The following LUZP1 variants were observed in gnomAD, a reference collection of about 807,000 sequenced individuals.
The protein encoded by LUZP1 is leucine zipper protein 1.
Under a neutral mutation model 71.3 loss-of-function variants are expected in LUZP1, and 25 were observed. The observed-to-expected ratio is 0.35, with a 90% CI of 0.26 to 0.49. LUZP1 has a LOEUF of 0.49. Ranked by LOEUF, LUZP1 falls within the 20% of genes least tolerant of loss-of-function variation. The pLI is 0.99. For missense variants in LUZP1, 1,142 were observed against 1,300.8 expected, an observed-to-expected ratio of 0.88 and a Z score of 1.88; for synonymous variants, 481 against 506.4, an observed-to-expected ratio of 0.95 and a Z score of 0.67.
exon 5 of LUZP1, chr1:23,088,532 T>C: frequency 5.1e-6 from 1 of 194,750 alleles, no homozygotes; most frequent in Non-Finnish European, 1.1e-5. Context: ...GAGGCTGCCC[T>C]AGGATCCAGA....
chr1:23,127,323 T>C (rs1283915075), intron 2 of LUZP1, among the ~76,000 whole-genome samples: 2 of 152,210 alleles, frequency 1.3e-5, no homozygotes, highest in Non-Finnish European at 2.9e-5. Flanking sequence ...TACCTGACTT[T>C]AAATTCTTGG....
chr1:23,117,345 T>C (rs534237119), intron 2 of LUZP1, among the ~76,000 whole-genome samples: 1 of 151,988 alleles, frequency 6.6e-6, no homozygotes, highest in Non-Finnish European at 1.5e-5. Context: ...GTAAGGATTA[T>C]ATAAAAATAT....
intron 3 of LUZP1, among the ~76,000 whole-genome samples, chr1:23,097,329 G>A (rs1643898020): frequency 6.6e-6 from 1 of 152,170 alleles, no homozygotes; most frequent in Admixed American, 6.5e-5. Flanking sequence ...TAAGTAGGTG[G>A]CAAGTAGAAT....
intron 3 of LUZP1, among the ~76,000 whole-genome samples, chr1:23,095,413 T>C (rs1052915060): frequency 6.6e-6 from 1 of 152,156 alleles, no homozygotes; most frequent in Non-Finnish European, 1.5e-5. Flanking sequence ...GTATAGTTGA[T>C]CACATAGAAA....
At chr1:23,103,893 A>G (rs1350761339) in intron 3 of LUZP1, among the ~76,000 whole-genome samples, 2 of 3,368 alleles carry the variant, frequency 5.9e-4, no homozygotes, top group African/African-American at 2.3e-3. Flanking sequence ...AGAGGGAGAG[A>G]GGGAGGGAGG....
intron 2 of LUZP1, among the ~76,000 whole-genome samples, chr1:23,152,264 T>C (rs1201337636): frequency 2.0e-5 from 3 of 152,168 alleles, no homozygotes; most frequent in African/African-American, 7.2e-5. Flanking sequence ...ACGATTTTCA[T>C]AACTAGGAAC....
chr1:23,091,884 G>C (rs1331236392), exon 4 of LUZP1: 1 of 1,614,168 alleles, frequency 6.2e-7, no homozygotes, highest in Non-Finnish European at 8.5e-7. Context: ...AATGCTACTT[G>C]TCACTTTGTT....
chr1:23,171,097 A>ATAT (rs1553143573), intron 1 of LUZP1, among the ~76,000 whole-genome samples: 5 of 139,848 alleles, frequency 3.6e-5, no homozygotes, highest in Middle Eastern at 3.4e-3. Flanking sequence ...TCAAAAAAAA[A>ATAT]AAATATATAT....
chr1:23,098,079 C>T (rs1008791101), intron 3 of LUZP1, among the ~76,000 whole-genome samples: 2 of 152,182 alleles, frequency 1.3e-5, no homozygotes, highest in African/African-American at 4.8e-5. Flanking sequence ...AACCAATCCA[C>T]AAAGTTCTTT....
At chr1:23,091,725 A>G in exon 4 of LUZP1, 1 of 1,614,058 alleles carries the variant, frequency 6.2e-7, no homozygotes, top group Non-Finnish European at 8.5e-7. Flanking sequence ...ATGTTTGTGA[A>G]TGGAGAGCTC....
intron 2 of LUZP1, among the ~76,000 whole-genome samples, chr1:23,134,599 T>G (rs1184406676): frequency 6.6e-6 from 1 of 152,034 alleles, no homozygotes; most frequent in African/African-American, 2.4e-5. Context: ...GGCAACATGG[T>G]GAGACCCTGT....
At chr1:23,103,080 T>A (rs1238102568) in intron 3 of LUZP1, among the ~76,000 whole-genome samples, 1 of 149,718 alleles carries the variant, frequency 6.7e-6, no homozygotes, top group Non-Finnish European at 1.5e-5. Context: ...CTCAGACACA[T>A]GCCACCATGC....
chr1:23,153,933 GCT>G (rs1350834173), intron 2 of LUZP1, among the ~76,000 whole-genome samples: 3 of 151,940 alleles, frequency 2.0e-5, no homozygotes, highest in Non-Finnish European at 2.9e-5. Context: ...CAACCCAAAT[GCT>G]CCTCAACTGG....
At chr1:23,128,534 C>T (rs1557663474) in intron 2 of LUZP1, among the ~76,000 whole-genome samples, 1 of 152,172 alleles carries the variant, frequency 6.6e-6, no homozygotes, top group Admixed American at 6.5e-5. Flanking sequence ...ATAAAAGCCT[C>T]TAAGGCCAGC....
At chr1:23,113,752 C>T (rs1030632052) in intron 2 of LUZP1, among the ~76,000 whole-genome samples, 2 of 150,704 alleles carry the variant, frequency 1.3e-5, no homozygotes, top group Admixed American at 1.3e-4. Context: ...TTGTGGCGCG[C>T]GCCTGTAGTC....
intron 2 of LUZP1, among the ~76,000 whole-genome samples, chr1:23,144,442 G>A (rs1644327690): frequency 1.3e-5 from 2 of 152,114 alleles, no homozygotes; most frequent in Admixed American, 1.3e-4. Flanking sequence ...ACAAAAGAGT[G>A]GGATTCTATT....
At chr1:23,086,503 G>A (rs1557617194) in exon 5 of LUZP1, 1 of 152,668 alleles carries the variant, frequency 6.6e-6, no homozygotes, top group Non-Finnish European at 1.5e-5. Context: ...GGCACCAGGA[G>A]CTATAGCACC....
Position 23,093,125 on chromosome 1 carries a change from G to A in LUZP1, c.1137C>T (p.His379=), listed in dbSNP as rs766753223. The A allele has an allele frequency of 2.9e-5, 47 of 1,613,952 alleles. No homozygotes were observed. The highest frequency in any genetic ancestry group is 1.1e-4 in the South Asian group (10 of 91,072). ...GCTTGGACACAGAAGCTTCACTTCC[G>A]TGGCCTCTAAACTTAGTCCTCTCAT... Residue 379 remains histidine (H), a synonymous_variant, in exon 4 of 5, where the codon CAC becomes CAT. Transcript: ENST00000302291. This position sits in a 1 kb window ranked among gnomAD's most constrained non-coding sequence, Gnocchi z 4.2.
chr1:23,088,765 G>C (rs758285468), exon 5 of LUZP1: 5 of 1,322,712 alleles, frequency 3.8e-6, no homozygotes, highest in Non-Finnish European at 5.1e-6. Flanking sequence ...GCCACAGCCC[G>C]GCTCTACCAC....
Sources: allele counts gnomAD v4.1 joint callset (sites outside exome capture counted in the v4.1 genomes callset), GRCh38; gene constraint gnomAD v4.1.1; non-coding constraint Gnocchi (gnomAD v3.1); transcripts MANE v1.5; gene names NCBI Gene and HGNC (gene_info 2026-07-23, HGNC 2026-07-21).